The following ZNF804B variants were observed in gnomAD, a reference collection of about 807,000 sequenced individuals.
The protein encoded by ZNF804B is zinc finger protein 804B, also known as zinc finger 804B.
ZNF804B carries 80 observed loss-of-function variants against 101.4 expected under a neutral mutation model. That is an observed-to-expected ratio of 0.79 (90% CI 0.66 to 0.95). ZNF804B has a LOEUF of 0.95. Among genes scored for constraint, ZNF804B ranks in the 40% least tolerant of loss-of-function variants. The pLI, the probability that ZNF804B is intolerant of heterozygous loss-of-function variation, is 0.00. For missense variants in ZNF804B, 1,673 were observed against 1,561.9 expected (o/e 1.07, Z -1.20); for synonymous variants, 622 against 558.8 (o/e 1.11, Z -1.59).
rs1229325225 is a variant in ZNF804B at position 88,891,508 on chromosome 7, A to C, written c.108+131424A>C. 2.6e-5 allele frequency among the ~76,000 whole-genome samples: 4 copies of C among 152,174 alleles called. No individual in the cohort carries two copies. The East Asian group carries it at 7.7e-4, about 29-fold the overall frequency. On this transcript the variant is annotated intron_variant, in intron 1 of 3. Coordinates refer to ENST00000333190, the MANE Select transcript of ZNF804B (RefSeq NM_181646.5). ...ATGTAATTCACTGTAATCCAATCTG[A>C]TAATCTCTTTAACTTGAAGTATTTA...
At chr7:89,268,123 G>A (rs373579785) in intron 2 of ZNF804B, among the ~76,000 whole-genome samples, 1 of 152,076 alleles carries the variant, frequency 6.6e-6, no homozygotes, top group South Asian at 2.1e-4. Context: ...ATTAAAAACA[G>A]CATTCTTACT....
At chr7:89,025,749 T>C (rs1338675751) in intron 1 of ZNF804B, among the ~76,000 whole-genome samples, 1 of 152,164 alleles carries the variant, frequency 6.6e-6, no homozygotes, top group East Asian at 1.9e-4. Flanking sequence ...GAATCCATCA[T>C]ACTATTTAAA....
chr7:89,272,329 A>G (rs942705341), intron 2 of ZNF804B, among the ~76,000 whole-genome samples: 3 of 152,078 alleles, frequency 2.0e-5, no homozygotes, highest in Non-Finnish European at 1.5e-5. Flanking sequence ...TTTGTTTTAC[A>G]TTTTCTAAAT....
At chr7:89,255,400 T>A (rs1245112093) in intron 2 of ZNF804B, among the ~76,000 whole-genome samples, 1 of 151,936 alleles carries the variant, frequency 6.6e-6, no homozygotes, top group African/African-American at 2.4e-5. Context: ...AGAACAGTGG[T>A]GAGGAAGAGA....
chr7:88,892,582 T>TA (rs925168692), intron 1 of ZNF804B, among the ~76,000 whole-genome samples: 1 of 152,222 alleles, frequency 6.6e-6, no homozygotes, highest in African/African-American at 2.4e-5. Context: ...TGCAGACTTC[T>TA]AAAAAAATGT....
chr7:89,238,967 T>C (rs1789323071), intron 2 of ZNF804B, among the ~76,000 whole-genome samples: 1 of 152,174 alleles, frequency 6.6e-6, no homozygotes, highest in African/African-American at 2.4e-5. Flanking sequence ...TCTACCTTCT[T>C]GTAATATCTA....
At chr7:88,929,764 T>C (rs559615145) in intron 1 of ZNF804B, among the ~76,000 whole-genome samples, 6 of 152,112 alleles carry the variant, frequency 3.9e-5, no homozygotes, top group South Asian at 2.1e-4. Flanking sequence ...CTATCATTAG[T>C]GTAATGGTGA....
chr7:89,011,209 C>T (rs1421035549), intron 1 of ZNF804B, among the ~76,000 whole-genome samples: 1 of 152,150 alleles, frequency 6.6e-6, no homozygotes, highest in African/African-American at 2.4e-5. Flanking sequence ...CACCCATTAT[C>T]ATGCTAACAG....
rs541277880 is a variant in ZNF804B at position 89,226,487 on chromosome 7, GT to G, written c.249+8194del. 2.6e-5 allele frequency among the ~76,000 whole-genome samples: 4 copies of G among 151,690 alleles called. No homozygotes were observed. In the East Asian group the frequency reaches 5.8e-4, roughly 22 times the overall value. Reference sequence around the variant, plus strand: ...TAAAAGTTATTATTAGATAATTTATGTTAAAAATCAAGAAATACAGAAGTGT... The same window carrying G: ...TAAAAGTTATTATTAGATAATTTATGTAAAAATCAAGAAATACAGAAGTGT... On this transcript the variant is annotated intron_variant, in intron 2 of 3. Transcript: ENST00000333190.
chr7:89,074,888 CTTG>C (rs1288537590), intron 1 of ZNF804B, among the ~76,000 whole-genome samples: 2 of 152,158 alleles, frequency 1.3e-5, no homozygotes, highest in Non-Finnish European at 2.9e-5. Context: ...AGATGAGGAA[CTTG>C]TTGGGAACTG....
rs572393067 is a variant in ZNF804B at position 88,789,600 on chromosome 7, T to A, written c.108+29516T>A. Among the ~76,000 whole-genome samples the A allele has an allele frequency of 2.0e-5, 3 of 152,238 alleles. No individual in the cohort carries two copies. The East Asian group carries it at 5.8e-4, about 29-fold the overall frequency. On this transcript the variant is annotated intron_variant, in intron 1 of 3. Coordinates refer to ENST00000333190, the MANE Select transcript of ZNF804B (RefSeq NM_181646.5). ...CTTAAAATCTATGCACTGTTTTTAC[T>A]ACATACATCCTGTCCACAGGTAATC...
At chr7:89,182,033 A>G (rs1788304792) in intron 1 of ZNF804B, among the ~76,000 whole-genome samples, 2 of 152,208 alleles carry the variant, frequency 1.3e-5, no homozygotes, top group Non-Finnish European at 2.9e-5. Context: ...ACTAATTGAA[A>G]TGGAAACTGC....
At chr7:89,305,258 G>A (rs531035040) in intron 2 of ZNF804B, among the ~76,000 whole-genome samples, 1 of 152,046 alleles carries the variant, frequency 6.6e-6, no homozygotes, top group South Asian at 2.1e-4. Context: ...ACACGTTAAG[G>A]AGAAACAGTG....
chr7:88,908,013 CTTAG>C (rs995318727), intron 1 of ZNF804B, among the ~76,000 whole-genome samples: 2 of 151,740 alleles, frequency 1.3e-5, no homozygotes, highest in South Asian at 2.1e-4. Context: ...GCTGAGATTC[CTTAG>C]TTAGTCAGTT....
Position 89,333,907 on chromosome 7 carries a change from T to C in ZNF804B, c.925T>C (p.Ser309Pro). The change falls in exon 4 of 4, where the codon TCT becomes CCT. Residue 309 changes from serine to proline, a missense_variant. Coordinates refer to ENST00000333190, the MANE Select transcript of ZNF804B (RefSeq NM_181646.5). The stretch of plus-strand genomic sequence containing the variant: ...TAAAATTTTGCAAGACAAACACGAC[T>C]CTATTGATGAGACACTAGAAGATTC... ...NSKILQDKHD[S>P]IDETLEDSIG... 1.2e-6 allele frequency: 2 copies of C among 1,613,570 alleles called. No individual in the cohort carries two copies. The highest frequency in any genetic ancestry group is 1.7e-6 in the Non-Finnish European group (2 of 1,179,728).
chr7:89,296,488 C>T (rs1790386507), intron 2 of ZNF804B, among the ~76,000 whole-genome samples: 1 of 151,914 alleles, frequency 6.6e-6, no homozygotes, highest in Non-Finnish European at 1.5e-5. Flanking sequence ...TTTTGAGAGC[C>T]ACATTTTCCC....
intron 1 of ZNF804B, among the ~76,000 whole-genome samples, chr7:88,905,970 A>G (rs949350134): frequency 8.4e-6 from 1 of 119,576 alleles, no homozygotes; most frequent in Non-Finnish European, 1.7e-5. Flanking sequence ...GTATTGGTCT[A>G]TTCAGGGTTT....
intron 2 of ZNF804B, among the ~76,000 whole-genome samples, chr7:89,306,791 G>A (rs112324916): frequency 0.019 from 2,858 of 151,976 alleles, 80 homozygotes; most frequent in African/African-American, 0.065. Flanking sequence ...AGCAATCACA[G>A]GCAACTTCAG....
rs1437934707 is a variant in ZNF804B, at chr7:89,333,785, T to C, written c.803T>C (p.Phe268Ser). The change falls in exon 4 of 4, where the codon TTT (phenylalanine) becomes TCT (serine). Residue 268 changes from phenylalanine (F) to serine (S), a missense_variant. Physicochemically the swap from Phe to Ser is radical, Grantham distance 155 (BLOSUM62 -2). Coordinates refer to ENST00000333190, the MANE Select transcript of ZNF804B (RefSeq NM_181646.5). ...GCAGATAAGTGCAAGTGCTGCAGGT[T>C]TGCAAATAAAGATACACACCTTACC... is the stretch of plus-strand genomic sequence containing the variant. Reference protein sequence around the residue: ...QTADKCKCCRFANKDTHLTKE... With the variant: ...QTADKCKCCRSANKDTHLTKE... The C allele has an allele frequency of 3.1e-6, 5 of 1,613,534 alleles. No individual in the cohort carries two copies. Among genetic ancestry groups the C allele is most frequent in the Non-Finnish European group, 4.2e-6 (5 of 1,179,770 alleles).
Sources: allele counts gnomAD v4.1 joint callset (sites outside exome capture counted in the v4.1 genomes callset), GRCh38; gene constraint gnomAD v4.1.1; transcripts MANE v1.5; gene names NCBI Gene and HGNC (gene_info 2026-07-23, HGNC 2026-07-21).